The following SNX14 variants were observed in gnomAD, a reference collection of about 807,000 sequenced individuals.
SNX14 encodes sorting nexin-14.
In SNX14, 93 loss-of-function variants were observed where a neutral mutation model predicts 133.8. The ratio of observed to expected loss-of-function variants is 0.70; its 90% CI spans 0.59 to 0.83. The LOEUF is 0.83. Ranked by LOEUF, SNX14 falls within the 40% of genes least tolerant of loss-of-function variation. The pLI is 0.00. For synonymous variants in SNX14, 368 were observed against 365.6 expected (o/e 1.01, Z -0.07); for missense variants, 945 against 1,094.9 (o/e 0.86, Z 1.93).
chr6:85,592,557 T>C (rs1803137110), intron 1 of SNX14, among the ~76,000 whole-genome samples: 1 of 152,224 alleles, frequency 6.6e-6, no homozygotes, highest in Admixed American at 6.5e-5. Flanking sequence ...TTTCTTGAAA[T>C]AGTAAAATGA....
intron 1 of SNX14, among the ~76,000 whole-genome samples, chr6:85,584,063 GGAACA>G (rs1439637163): frequency 6.6e-6 from 1 of 152,084 alleles, no homozygotes; most frequent in African/African-American, 2.4e-5. Context: ...ATAGACCAAT[GGAACA>G]GAACAGAAGC....
chr6:85,565,522 C>T, intron 5 of SNX14, 103 bp from the exon 6 acceptor site: 1 of 722,110 alleles, frequency 1.4e-6, no homozygotes, highest in Non-Finnish European at 2.3e-6. Context: ...ACTTAAGCTA[C>T]TTTCTTTTTT....
chr6:85,522,750 C>A (rs1262299146), intron 21 of SNX14, among the ~76,000 whole-genome samples: 1 of 152,144 alleles, frequency 6.6e-6, no homozygotes, highest in Non-Finnish European at 1.5e-5. Flanking sequence ...ATGATCAAGT[C>A]CAAATTCCTT....
At chr6:85,576,084 A>C (rs897350221) in intron 1 of SNX14, among the ~76,000 whole-genome samples, 6 of 152,130 alleles carry the variant, frequency 3.9e-5, no homozygotes, top group Admixed American at 3.9e-4. Context: ...TGTCTTGACA[A>C]AATTTTTTAA....
intron 26 of SNX14, among the ~76,000 whole-genome samples, chr6:85,513,550 A>G (rs1052200782): frequency 1.3e-5 from 2 of 152,200 alleles, no homozygotes; most frequent in Admixed American, 6.5e-5. Flanking sequence ...CAGTCTGACT[A>G]TAAGTTATTT....
intron 26 of SNX14, among the ~76,000 whole-genome samples, chr6:85,510,809 A>G (rs1772535247): frequency 6.6e-6 from 1 of 152,060 alleles, no homozygotes; most frequent in African/African-American, 2.4e-5. Context: ...CTAATATCAC[A>G]CTTTCTTGAT....
chr6:85,584,313 C>T (rs1174793957), intron 1 of SNX14, among the ~76,000 whole-genome samples: 2 of 152,188 alleles, frequency 1.3e-5, no homozygotes, highest in Non-Finnish European at 2.9e-5. Context: ...AAAACCTAGG[C>T]AATACCATTT....
At position 85,593,364 on chromosome 6, in the gene SNX14, C is replaced by T. The variant is rs552598442; in HGVS notation, c.140+215G>A. 1.2e-3 allele frequency among the ~76,000 whole-genome samples: 180 copies of T among 152,338 alleles called. 1 individual carries two copies. Among genetic ancestry groups the T allele is most frequent in the African/African-American group, 4.0e-3 (166 of 41,574 alleles). ...AAAAAGGTAGCTCAGGAGACGAAGCCTCGGGAAAGGAGGCAATCAACCCCA... is the reference window on the plus strand; with the variant it reads ...AAAAAGGTAGCTCAGGAGACGAAGCTTCGGGAAAGGAGGCAATCAACCCCA... On this transcript the variant is annotated intron_variant, in intron 1 of 28. Coordinates refer to ENST00000314673, the MANE Select transcript of SNX14 (RefSeq NM_153816.6).
At chr6:85,553,762 G>A (rs898754278) in intron 7 of SNX14, among the ~76,000 whole-genome samples, 1 of 149,752 alleles carries the variant, frequency 6.7e-6, no homozygotes, top group Admixed American at 6.7e-5. Flanking sequence ...CTCCAGCCTC[G>A]GCGACAGAGC....
chr6:85,579,670 C>T (rs1255607014), intron 1 of SNX14, among the ~76,000 whole-genome samples: 6 of 152,156 alleles, frequency 3.9e-5, no homozygotes, highest in Non-Finnish European at 7.3e-5. Context: ...AGAACTTAGC[C>T]GATGCCCAAA....
chr6:85,593,827 C>G lies in SNX14; in HGVS notation c.-109G>C, dbSNP rs1375807724. ...CCACCGACTTGGCGGCGCACACAGA[C>G]GCCTACCGGCAGTTAGCCGCCGCAG... On this transcript the variant is annotated 5_prime_UTR_variant, in exon 1 of 29. Transcript: ENST00000314673. 6.5e-7 allele frequency: 1 copy of G among 1,545,088 alleles called. No individual in the cohort carries two copies. The highest frequency in any genetic ancestry group is 8.7e-7 in the Non-Finnish European group (1 of 1,152,676).
At chr6:85,544,087 AGATCT>A (rs1160204358) in intron 12 of SNX14, among the ~76,000 whole-genome samples, 2 of 152,140 alleles carry the variant, frequency 1.3e-5, no homozygotes, top group Non-Finnish European at 2.9e-5. Context: ...TATTATTTTG[AGATCT>A]GATTTACTAA....
intron 14 of SNX14, among the ~76,000 whole-genome samples, chr6:85,542,252 T>C (rs940241437): frequency 2.6e-5 from 4 of 152,208 alleles, no homozygotes; most frequent in Non-Finnish European, 5.9e-5. Context: ...TACAATGAGA[T>C]TTCTGCGTCA....
intron 18 of SNX14, among the ~76,000 whole-genome samples, chr6:85,530,692 C>A (rs1408319228): frequency 6.6e-6 from 1 of 151,272 alleles, no homozygotes; most frequent in African/African-American, 2.4e-5. Flanking sequence ...CAAAGCTGGA[C>A]ATTATTCCAC....
At chr6:85,548,084 G>A (rs181755618) in intron 9 of SNX14, among the ~76,000 whole-genome samples, 7 of 152,278 alleles carry the variant, frequency 4.6e-5, no homozygotes, top group South Asian at 2.1e-4. Context: ...TGGTTGCCAG[G>A]GGGGGCTGGA....
chr6:85,533,574 G>A (rs762095694), intron 18 of SNX14, 25 bp downstream of exon 18: 2 of 1,600,134 alleles, frequency 1.2e-6, no homozygotes, highest in Admixed American at 1.7e-5. Context: ...CATCTTTTAA[G>A]AAAGGTGCTC....
intron 15 of SNX14, among the ~76,000 whole-genome samples, chr6:85,539,462 G>A (rs1427957059): frequency 6.6e-6 from 1 of 151,986 alleles, no homozygotes; most frequent in Non-Finnish European, 1.5e-5. Flanking sequence ...AACAAAAGTT[G>A]TACTTTAAGT....
intron 21 of SNX14, among the ~76,000 whole-genome samples, chr6:85,518,538 T>G (rs2127857546): frequency 6.6e-6 from 1 of 152,344 alleles, no homozygotes; most frequent in East Asian, 1.9e-4. Flanking sequence ...CTAAATCCTA[T>G]GTTTGCCAAA....
chr6:85,528,054 C>A (rs1024579249), intron 20 of SNX14, among the ~76,000 whole-genome samples: 4 of 152,120 alleles, frequency 2.6e-5, no homozygotes, highest in South Asian at 2.1e-4. Flanking sequence ...AAGAAAATAT[C>A]TTGCATTTCA....
Sources: allele counts gnomAD v4.1 joint callset (sites outside exome capture counted in the v4.1 genomes callset), GRCh38; gene constraint gnomAD v4.1.1; transcripts MANE v1.5; gene names NCBI Gene and HGNC (gene_info 2026-07-23, HGNC 2026-07-21).